The following KCNH1 variants were observed in gnomAD, a reference collection of about 807,000 sequenced individuals.
KCNH1 encodes the protein voltage-gated delayed rectifier potassium channel KCNH1.
In KCNH1, 27 loss-of-function variants were observed where a neutral mutation model predicts 69.2. The observed-to-expected ratio is 0.39, with a 90% confidence interval of 0.29 to 0.54. The LOEUF (loss-of-function observed/expected upper bound fraction) is 0.54. KCNH1 is among the 20% of genes least tolerant of loss of function. The probability of loss-of-function intolerance (pLI) is 0.68; values close to 1 mark genes in which losing one functional copy is unlikely to be tolerated. For missense variants in KCNH1, 798 were observed against 1,261.6 expected (o/e 0.63, Z 5.57); for synonymous variants, 456 against 487.7 (o/e 0.93, Z 0.86).
Position 210,678,333 on chromosome 1 carries a change from T to C in KCNH1, c.*4948A>G, listed in dbSNP as rs956186472. The C allele has an allele frequency of 6.6e-6, 1 of 151,218 alleles. No individual in the cohort carries two copies. Among genetic ancestry groups the C allele is most frequent in the African/African-American group, 2.4e-5 (1 of 41,144 alleles). The allele number at this position is 151,218 out of a possible 1,614,324, so 9.4% of individuals were successfully genotyped here. On this transcript the variant is annotated 3_prime_UTR_variant, in exon 11 of 11. Transcript: ENST00000271751. ...CAAGTATCATGTATAAAATAGTTTA[T>C]TACCATAATAAATAAAACTTTTTTT...
chr1:211,052,946 G>C (rs1033690606), intron 5 of KCNH1, among the ~76,000 whole-genome samples: 5 of 152,214 alleles, frequency 3.3e-5, no homozygotes, highest in Non-Finnish European at 7.3e-5. Context: ...GCTGAAAGCT[G>C]TACTCTCAGG....
chr1:210,969,982 A>G (rs1688481958), intron 6 of KCNH1, among the ~76,000 whole-genome samples: 1 of 152,038 alleles, frequency 6.6e-6, no homozygotes, highest in African/African-American at 2.4e-5. Flanking sequence ...TTGCAGCCTC[A>G]ATATCCCAGG....
chr1:211,081,615 T>C (rs1014410288), intron 5 of KCNH1, among the ~76,000 whole-genome samples: 1 of 152,320 alleles, frequency 6.6e-6, no homozygotes, highest in African/African-American at 2.4e-5. Flanking sequence ...GTGGCACATA[T>C]ACACCATGGA....
intron 6 of KCNH1, among the ~76,000 whole-genome samples, chr1:210,924,207 T>C (rs965416232): frequency 8.5e-5 from 13 of 152,222 alleles, no homozygotes; most frequent in Admixed American, 5.9e-4. Context: ...TGTGAGAGAA[T>C]AAATTTCTGT....
chr1:210,889,285 C>T (rs1010332294), intron 7 of KCNH1, among the ~76,000 whole-genome samples: 2 of 152,180 alleles, frequency 1.3e-5, no homozygotes, highest in African/African-American at 2.4e-5. Flanking sequence ...CTCTCATAAA[C>T]AGAACCAATG....
intron 5 of KCNH1, among the ~76,000 whole-genome samples, chr1:211,020,234 A>T (rs12072599): frequency 1.3e-4 from 19 of 151,988 alleles, no homozygotes; most frequent in Non-Finnish European, 2.5e-4. Flanking sequence ...ACATAATTTT[A>T]AAAAAACCCA....
intron 5 of KCNH1, among the ~76,000 whole-genome samples, chr1:211,051,934 C>A (rs1369246803): frequency 2.6e-5 from 4 of 151,860 alleles, no homozygotes; most frequent in African/African-American, 7.3e-5. Flanking sequence ...CCAAATCTCT[C>A]TCTTTGCACT....
intron 6 of KCNH1, among the ~76,000 whole-genome samples, chr1:210,980,267 T>C (rs950581589): frequency 3.9e-5 from 6 of 152,318 alleles, no homozygotes; most frequent in African/African-American, 1.4e-4. Context: ...GACATGATGA[T>C]GCAGCCATAA....
At chr1:210,899,887 A>T (rs1227223312) in intron 7 of KCNH1, among the ~76,000 whole-genome samples, 3 of 152,242 alleles carry the variant, frequency 2.0e-5, no homozygotes, top group Non-Finnish European at 4.4e-5. Context: ...GTTAATCATT[A>T]TCTAGTTCTC....
At chr1:210,693,117 G>A (rs757147498) in intron 10 of KCNH1, among the ~76,000 whole-genome samples, 3 of 152,170 alleles carry the variant, frequency 2.0e-5, no homozygotes, top group Non-Finnish European at 2.9e-5. Context: ...GCCCACACCC[G>A]CCGTGTGCTG....
chr1:210,872,413 C>A (rs988726475), intron 7 of KCNH1, among the ~76,000 whole-genome samples: 2 of 152,034 alleles, frequency 1.3e-5, no homozygotes, highest in Non-Finnish European at 1.5e-5. Context: ...AGAGTGTGTC[C>A]TTTTCTTCCC....
chr1:210,897,540 C>A (rs1686897423), intron 7 of KCNH1, among the ~76,000 whole-genome samples: 1 of 152,226 alleles, frequency 6.6e-6, no homozygotes, highest in African/African-American at 2.4e-5. Context: ...TGTTCCACAG[C>A]AGCTCCAACA....
chr1:211,049,772 T>G (rs1452799406), intron 5 of KCNH1, among the ~76,000 whole-genome samples: 1 of 152,104 alleles, frequency 6.6e-6, no homozygotes, highest in East Asian at 1.9e-4. Context: ...TAGACAAAAT[T>G]GTCAACAAAC....
chr1:210,748,331 TAGAC>T (rs930961461), intron 10 of KCNH1, among the ~76,000 whole-genome samples: 2 of 152,160 alleles, frequency 1.3e-5, no homozygotes, highest in African/African-American at 2.4e-5. Context: ...ATCTGCCTCA[TAGAC>T]AGTCACTTTT....
chr1:210,861,962 G>C (rs1407438174), intron 7 of KCNH1: 2 of 757,342 alleles, frequency 2.6e-6, no homozygotes, highest in Non-Finnish European at 2.4e-6. Context: ...GTAGTAAGCT[G>C]TACCCTGATG....
intron 6 of KCNH1, among the ~76,000 whole-genome samples, chr1:210,937,086 C>T (rs1054416550): frequency 6.6e-6 from 1 of 152,172 alleles, no homozygotes; most frequent in Non-Finnish European, 1.5e-5. Flanking sequence ...CCTCCTGCCA[C>T]ATTTGCCCTG....
intron 5 of KCNH1, among the ~76,000 whole-genome samples, chr1:211,023,158 A>AT (rs1558571758): frequency 5.5e-4 from 54 of 97,882 alleles, no homozygotes; most frequent in Non-Finnish European, 7.1e-4. Context: ...AAATAAATAA[A>AT]TAAATTAAAA....
intron 5 of KCNH1, among the ~76,000 whole-genome samples, chr1:211,037,002 C>T (rs1398091230): frequency 6.6e-6 from 1 of 152,312 alleles, no homozygotes; most frequent in Admixed American, 6.5e-5. Flanking sequence ...TCAAACAATG[C>T]TCATCTTGAA....
chr1:210,909,344 C>T (rs947562193), intron 7 of KCNH1, among the ~76,000 whole-genome samples: 3 of 152,176 alleles, frequency 2.0e-5, no homozygotes, highest in Admixed American at 6.5e-5. Flanking sequence ...CAACACCTAC[C>T]AAAGTCCCTG....
Sources: allele counts gnomAD v4.1 joint callset (sites outside exome capture counted in the v4.1 genomes callset), GRCh38; gene constraint gnomAD v4.1.1; transcripts MANE v1.5; gene names NCBI Gene and HGNC (gene_info 2026-07-23, HGNC 2026-07-21).